SEPTIN7: variants seen among roughly 807,000 people sequenced by gnomAD.
SEPTIN7 encodes septin 7.
In SEPTIN7, 10 loss-of-function variants were observed where a neutral mutation model predicts 63.3. The observed-to-expected ratio is 0.16, with a 90% CI of 0.10 to 0.27. SEPTIN7 has a LOEUF of 0.27. Among genes scored for constraint, SEPTIN7 ranks in the 10% least tolerant of loss-of-function variants. The probability of loss-of-function intolerance (pLI) is 1.00; values close to 1 mark genes in which losing one functional copy is unlikely to be tolerated. For missense variants in SEPTIN7, 310 were observed against 521.0 expected (o/e 0.59, Z 3.94); for synonymous variants, 131 against 165.3 (o/e 0.79, Z 1.59).
rs753617272 is a variant in SEPTIN7 at position 35,814,051 on chromosome 7, CTG to C, written c.61+12783_61+12784del. Among the ~76,000 whole-genome samples the C allele has an allele frequency of 1.7e-4, 22 of 133,170 alleles. 1 individual carries two copies. Among genetic ancestry groups the C allele is most frequent in the South Asian group, 3.0e-4 (1 of 3,354 alleles). The allele number at this position is 133,170 out of a possible 152,430, so 87.4% of individuals were successfully genotyped here. ...TGCTGTGTGCTGGTCACTGGGGAAA[CTG>C]TTAAAAGTTGGAGAGTATTTTCTTT... On this transcript the variant is annotated intron_variant, in intron 1 of 13. Transcript: ENST00000350320.
chr7:35,831,025 A>G (rs1783808679), intron 1 of SEPTIN7, among the ~76,000 whole-genome samples: 1 of 152,180 alleles, frequency 6.6e-6, no homozygotes, highest in Non-Finnish European at 1.5e-5. Context: ...CCAGTGACTG[A>G]CAAAGCAAAA....
intron 1 of SEPTIN7, among the ~76,000 whole-genome samples, chr7:35,814,012 A>T (rs1432208112): frequency 6.0e-5 from 9 of 149,752 alleles, no homozygotes; most frequent in Non-Finnish European, 1.2e-4. Context: ...TTTAACAAAC[A>T]CATGTTTTAT....
At chr7:35,803,297 C>T (rs1562725029) in intron 1 of SEPTIN7, among the ~76,000 whole-genome samples, 1 of 152,252 alleles carries the variant, frequency 6.6e-6, no homozygotes, top group Middle Eastern at 3.4e-3. Flanking sequence ...TTAAGTAAAT[C>T]CATGCCAGAA....
chr7:35,914,956 A>G, the SEPTIN7 span, among the ~76,000 whole-genome samples: 11 of 152,028 alleles, frequency 7.2e-5, no homozygotes, highest in African/African-American at 2.4e-4. Context: ...ATCCATGCAT[A>G]CCTACATATA....
At chr7:35,822,952 A>C (rs1783301628) in intron 1 of SEPTIN7, among the ~76,000 whole-genome samples, 1 of 152,182 alleles carries the variant, frequency 6.6e-6, no homozygotes, top group Admixed American at 6.5e-5. Flanking sequence ...TTTTTGGCCC[A>C]TGTGTAAGAC....
chr7:35,854,989 T>G (rs1409997279), intron 3 of SEPTIN7, among the ~76,000 whole-genome samples: 1 of 152,118 alleles, frequency 6.6e-6, no homozygotes, highest in Non-Finnish European at 1.5e-5. Context: ...AAAAACTAAA[T>G]TCTAAAGATA....
chr7:35,885,917 C>G (rs761173147), intron 10 of SEPTIN7, 38 bp downstream of exon 10: 5 of 1,439,852 alleles, frequency 3.5e-6, no homozygotes, highest in Non-Finnish European at 3.9e-6. Flanking sequence ...ATAAGATTTT[C>G]TTTCCCTAAG....
chr7:35,873,735 G>A lies in SEPTIN7; in HGVS notation c.472G>A (p.Val158Met). The change falls in exon 6 of 14, where the codon GTG (valine) becomes ATG (methionine). Residue 158 changes from valine (V) to methionine (M), a missense_variant. Transcript: ENST00000350320. Reference sequence around the variant, plus strand: ...CAGACGTCAGATGCCTGATAACAGGGTGCAGTGTTGTTTATACTTCATTGC... The same window carrying A: ...CAGACGTCAGATGCCTGATAACAGGATGCAGTGTTGTTTATACTTCATTGC... ...VNRRQMPDNR[V>M]QCCLYFIAPS... is the part of the protein sequence containing the mutation. 1 of 1,610,866 alleles carries A rather than the reference G, an allele frequency of 6.2e-7. No individual in the cohort carries two copies. The highest frequency in any genetic ancestry group is 8.5e-7 in the Non-Finnish European group (1 of 1,179,044).
intron 3 of SEPTIN7, among the ~76,000 whole-genome samples, chr7:35,860,611 C>G (rs1785452623): frequency 6.6e-6 from 1 of 152,136 alleles, no homozygotes; most frequent in Admixed American, 6.5e-5. Context: ...GTCAGTTTTG[C>G]CAGATACAGA....
chr7:35,839,390 T>C (rs1784291152), intron 3 of SEPTIN7, among the ~76,000 whole-genome samples: 2 of 152,220 alleles, frequency 1.3e-5, no homozygotes, highest in African/African-American at 4.8e-5. Flanking sequence ...GAATGATTTG[T>C]TTTGTTTAAT....
the SEPTIN7 span, among the ~76,000 whole-genome samples, chr7:35,914,928 A>G: frequency 6.6e-6 from 1 of 152,056 alleles, no homozygotes; most frequent in Non-Finnish European, 1.5e-5. Context: ...GTATTTGCAC[A>G]TATGTATATG....
chr7:35,897,267 A>G (rs961789315), intron 11 of SEPTIN7, among the ~76,000 whole-genome samples: 1 of 152,208 alleles, frequency 6.6e-6, no homozygotes, highest in Non-Finnish European at 1.5e-5. Context: ...AAGCCAAAGA[A>G]GGACCTATCT....
In SEPTIN7 at chr7:35,906,552, T is replaced by C. The variant is rs887391932; in HGVS notation, c.*2259T>C. ...ATCCTGTTAGCCACTGTCTTTCTGC[T>C]AATTAAGTGGGGCTGAACAAGTAAG... On this transcript the variant is annotated 3_prime_UTR_variant, in exon 14 of 14. Transcript: ENST00000350320. 1.3e-5 allele frequency: 2 copies of C among 152,236 alleles called. No homozygotes were observed. The highest frequency in any genetic ancestry group is 6.5e-5 in the Admixed American group (1 of 15,284). 9.4% of individuals were successfully genotyped at this position (152,236 alleles called of 1,614,324 possible).
At chr7:35,913,386 T>A in the SEPTIN7 span, among the ~76,000 whole-genome samples, 1 of 149,254 alleles carries the variant, frequency 6.7e-6, no homozygotes, top group Non-Finnish European at 1.5e-5. Flanking sequence ...TCTTTCTTTT[T>A]ATCTTTCTTT....
the SEPTIN7 span, among the ~76,000 whole-genome samples, chr7:35,914,617 T>C: frequency 6.7e-6 from 1 of 149,050 alleles, no homozygotes; most frequent in Admixed American, 6.9e-5. Flanking sequence ...AATAAATCTC[T>C]CTCTCTTCTC....
At chr7:35,840,043 A>C (rs1194556768) in intron 3 of SEPTIN7, among the ~76,000 whole-genome samples, 6 of 152,098 alleles carry the variant, frequency 3.9e-5, no homozygotes, top group Non-Finnish European at 7.4e-5. Flanking sequence ...AAGTATTTGA[A>C]CATTTTGTGG....
intron 3 of SEPTIN7, among the ~76,000 whole-genome samples, chr7:35,849,061 C>A (rs1183764991): frequency 6.6e-6 from 1 of 152,122 alleles, no homozygotes; most frequent in African/African-American, 2.4e-5. Context: ...AAGTAAACTT[C>A]TTTTAAGATA....
chr7:35,892,188 G>A (rs993442319), intron 11 of SEPTIN7, among the ~76,000 whole-genome samples: 3 of 152,124 alleles, frequency 2.0e-5, no homozygotes, highest in African/African-American at 7.2e-5. Context: ...ATATAAATAC[G>A]AAAGACAAGT....
chr7:35,842,643 G>A (rs1747200436), intron 3 of SEPTIN7, among the ~76,000 whole-genome samples: 1 of 152,012 alleles, frequency 6.6e-6, no homozygotes, highest in Admixed American at 6.6e-5. Context: ...AAAATTATAG[G>A]TACAAAGTAT....
Sources: allele counts gnomAD v4.1 joint callset (sites outside exome capture counted in the v4.1 genomes callset), GRCh38; gene constraint gnomAD v4.1.1; transcripts MANE v1.5; gene names NCBI Gene and HGNC (gene_info 2026-07-23, HGNC 2026-07-21).